The following KIT variants were observed in gnomAD, a reference collection of about 807,000 sequenced individuals.
The protein encoded by KIT is mast/stem cell growth factor receptor Kit.
A neutral mutation model predicts 105.7 loss-of-function variants in KIT; 16 were observed. The ratio of observed to expected loss-of-function variants is 0.15; its 90% CI spans 0.10 to 0.23. The LOEUF is 0.23. Among genes scored for constraint, KIT ranks in the 10% least tolerant of loss-of-function variants. KIT has a pLI of 1.00. For synonymous variants in KIT, 438 were observed against 441.1 expected (o/e 0.99, Z 0.09); for missense variants, 858 against 1,213.8 (o/e 0.71, Z 4.36).
intron 14 of KIT, among the ~76,000 whole-genome samples, chr4:54,729,692 TA>T (rs1722470532): frequency 6.6e-6 from 1 of 152,218 alleles, no homozygotes; most frequent in Non-Finnish European, 1.5e-5. Flanking sequence ...GCTGATTTTT[TA>T]AAAATGTATT....
chr4:54,674,401 T>G (rs1220726991), intron 1 of KIT, among the ~76,000 whole-genome samples: 1 of 152,208 alleles, frequency 6.6e-6, no homozygotes, highest in African/African-American at 2.4e-5. Context: ...AGCTTTCCAG[T>G]GAGTGCCTGA....
At chr4:54,672,790 A>G (rs1209065031) in intron 1 of KIT, among the ~76,000 whole-genome samples, 1 of 152,092 alleles carries the variant, frequency 6.6e-6, no homozygotes, top group Non-Finnish European at 1.5e-5. Context: ...TCTTTATATC[A>G]TGGCTTTCCT....
Position 54,677,065 on chromosome 4 carries a change from T to C in KIT, c.68-18447T>C, listed in dbSNP as rs908949329. ...GATGTGGAGTTAAATATAAACTCTATGGGTGAGGGGTGGGGAATTCTTGCC... is the reference window on the plus strand; with the variant it reads ...GATGTGGAGTTAAATATAAACTCTACGGGTGAGGGGTGGGGAATTCTTGCC... On this transcript the variant is annotated intron_variant, in intron 1 of 20. Transcript: ENST00000288135. Among the ~76,000 whole-genome samples, 8 of 152,140 alleles carry C rather than the reference T, an allele frequency of 5.3e-5. No homozygotes were observed. The South Asian group carries it at 8.3e-4, about 16-fold the overall frequency.
Position 54,731,212 on chromosome 4 carries a change from C to A in KIT, c.2142-116C>A, listed in dbSNP as rs946347238. ...TTTATTCAAACTTTACATGACTTTC[C>A]TCAAATTGGTCCAGTCTATTATGTA... is the stretch of plus-strand genomic sequence containing the variant. On this transcript the variant is annotated intron_variant, in intron 14 of 20. Coordinates refer to ENST00000288135, the MANE Select transcript of KIT (RefSeq NM_000222.3). The A allele has an allele frequency of 3.5e-5, 27 of 768,108 alleles. No individual in the cohort carries two copies. In the African/African-American group the frequency reaches 4.4e-4, roughly 13 times the overall value. The allele number at this position is 768,108 out of a possible 1,614,324, so 47.6% of individuals were successfully genotyped here. A position where few individuals can be genotyped will look rare whatever the true frequency, so the allele number is the denominator to read the frequency against.
Position 54,723,688 on chromosome 4 carries a change from A to G in KIT, c.1336A>G (p.Thr446Ala), listed in dbSNP as rs1351743650. The G allele has an allele frequency of 4.4e-6, 7 of 1,605,336 alleles. No individual in the cohort carries two copies. In the African/African-American group the frequency reaches 5.4e-5, roughly 12 times the overall value. Residue 446 changes from threonine (T) to alanine (A), a missense_variant, in exon 8 of 21, where the codon ACT (threonine) becomes GCT (alanine). Transcript: ENST00000288135. ...PTIDWYFCPGTEQRCSASVLP... is the reference protein window; with the variant it reads ...PTIDWYFCPGAEQRCSASVLP... ...AATAGATTGGTATTTTTGTCCAGGA[A>G]CTGAGCAGAGGTGAGATGATTATTT...
chr4:54,674,722 C>A (rs190162653), intron 1 of KIT, among the ~76,000 whole-genome samples: 2 of 152,282 alleles, frequency 1.3e-5, no homozygotes, highest in Admixed American at 1.3e-4. Flanking sequence ...TGGAAATGAA[C>A]ACTGTATGGC....
At chr4:54,683,195 G>A (rs961818416) in intron 1 of KIT, among the ~76,000 whole-genome samples, 1 of 152,132 alleles carries the variant, frequency 6.6e-6, no homozygotes, top group Non-Finnish European at 1.5e-5. Flanking sequence ...ATTGTTAGTG[G>A]CTTTAGACTC....
intron 1 of KIT, among the ~76,000 whole-genome samples, chr4:54,683,557 C>T (rs1030234433): frequency 1.3e-5 from 2 of 152,180 alleles, no homozygotes; most frequent in African/African-American, 4.8e-5. Flanking sequence ...TACATTTCAT[C>T]TAATATATAC....
At position 54,739,604 on chromosome 4, in the gene KIT, G is replaced by A. The variant is rs1346073446; in HGVS notation, c.*1047G>A. On this transcript the variant is annotated 3_prime_UTR_variant, in exon 21 of 21. Coordinates refer to ENST00000288135, the MANE Select transcript of KIT (RefSeq NM_000222.3). ...GGATTCTTATGTAGCAGGAAATAAA[G>A]TATAGGTTTAGCCTCCTTCGCAGGC... 4.3e-6 allele frequency: 1 copy of A among 233,484 alleles called. No homozygotes were observed. The highest frequency in any genetic ancestry group is 2.2e-5 in the African/African-American group (1 of 45,360). The allele number at this position is 233,484 out of a possible 1,614,324, so 14.5% of individuals were successfully genotyped here.
chr4:54,723,483 C>A, intron 7 of KIT, 101 bp from the exon 8 acceptor site: 1 of 781,620 alleles, frequency 1.3e-6, no homozygotes, highest in Non-Finnish European at 2.3e-6. Flanking sequence ...TCAGGCTACT[C>A]AGCAGCCTCA....
At chr4:54,731,116 T>C (rs1183571184) in intron 14 of KIT, among the ~76,000 whole-genome samples, 1 of 152,306 alleles carries the variant, frequency 6.6e-6, no homozygotes, top group Admixed American at 6.5e-5. Context: ...AAAGGACACC[T>C]AGTTTCTGGG....
chr4:54,734,481 C>T (rs1041994163), intron 17 of KIT, among the ~76,000 whole-genome samples: 1 of 152,238 alleles, frequency 6.6e-6, no homozygotes, highest in Admixed American at 6.5e-5. Context: ...ATAATCGTGA[C>T]GGTGGTTACA....
chr4:54,709,393 A>G, intron 6 of KIT, 31 bp from the exon 7 acceptor site: 1 of 1,335,304 alleles, frequency 7.5e-7, no homozygotes, highest in Non-Finnish European at 1.1e-6. Context: ...TGCTATCCAC[A>G]GGTGATTGAC....
chr4:54,658,495 G>T (rs1294055557), intron 1 of KIT, among the ~76,000 whole-genome samples: 1 of 152,016 alleles, frequency 6.6e-6, no homozygotes, highest in Non-Finnish European at 1.5e-5. Flanking sequence ...GTTAAAAGTT[G>T]CGTGTGTGTG....
chr4:54,723,122 G>A (rs1315586425), intron 7 of KIT, among the ~76,000 whole-genome samples: 1 of 151,952 alleles, frequency 6.6e-6, no homozygotes, highest in Non-Finnish European at 1.5e-5. Context: ...CAAAAGAGTG[G>A]GGCTTATCTT....
chr4:54,731,589 T>G (rs1397946244), intron 15 of KIT, among the ~76,000 whole-genome samples, 170 bp downstream of exon 15: 1 of 152,062 alleles, frequency 6.6e-6, no homozygotes, highest in Non-Finnish European at 1.5e-5. Context: ...GTGTTTGGGG[T>G]CAGAGCATAT....
At position 54,740,180 on chromosome 4, in the gene KIT, T is replaced by A. The variant is rs1386833290; in HGVS notation, c.*1623T>A. 4.3e-6 allele frequency: 1 copy of A among 233,656 alleles called. No homozygotes were observed. The highest frequency in any genetic ancestry group is 8.5e-6 in the Non-Finnish European group (1 of 118,020). 14.5% of individuals were successfully genotyped at this position (233,656 alleles called of 1,614,324 possible). A position where few individuals can be genotyped will look rare whatever the true frequency, so the allele number is the denominator to read the frequency against. Reference sequence around the variant, plus strand: ...ATTTCTTAGACTACATTTAGAGAACTGTGGCCGTTATCTGGAAGTAACCAT... The same window carrying A: ...ATTTCTTAGACTACATTTAGAGAACAGTGGCCGTTATCTGGAAGTAACCAT... On this transcript the variant is annotated 3_prime_UTR_variant, in exon 21 of 21. Transcript: ENST00000288135.
At chr4:54,686,230 A>AG (rs1719305065) in intron 1 of KIT, among the ~76,000 whole-genome samples, 1 of 152,118 alleles carries the variant, frequency 6.6e-6, no homozygotes, top group Non-Finnish European at 1.5e-5. Context: ...AAAAAAAAAA[A>AG]CTAAATATGC....
intron 1 of KIT, among the ~76,000 whole-genome samples, chr4:54,667,130 C>T (rs887012619): frequency 1.3e-5 from 2 of 152,112 alleles, no homozygotes; most frequent in Non-Finnish European, 2.9e-5. Flanking sequence ...GGACGGCTCC[C>T]AAAGTCCTTT....
Sources: gnomAD v4.1 joint callset for allele counts (sites outside exome capture counted in the v4.1 genomes callset) on GRCh38, gnomAD v4.1.1 for gene constraint, MANE v1.5 for transcripts, NCBI Gene and HGNC (gene_info 2026-07-23, HGNC 2026-07-21) for gene names.